Variants in BLOC1S2 observed in about 807,000 individuals in gnomAD.
BLOC1S2 encodes the protein biogenesis of lysosome-related organelles complex 1 subunit 2.
In BLOC1S2, 12 loss-of-function variants were observed where a neutral mutation model predicts 19.6. That is an observed-to-expected ratio of 0.61 (90% CI 0.39 to 0.99). The LOEUF is 0.99. Ranked by LOEUF, BLOC1S2 falls within the 50% of genes least tolerant of loss-of-function variation. The pLI, the probability that BLOC1S2 is intolerant of heterozygous loss-of-function variation, is 0.00. For missense variants in BLOC1S2, 142 were observed against 171.0 expected, an observed-to-expected ratio of 0.83 and a Z score of 0.95; for synonymous variants, 66 against 64.1, an observed-to-expected ratio of 1.03 and a Z score of -0.14.
intron 4 of BLOC1S2, among the ~76,000 whole-genome samples, chr10:100,277,791 G>A (rs1847956414): frequency 7.8e-6 from 1 of 128,126 alleles, no homozygotes; most frequent in African/African-American, 3.0e-5. Context: ...GGGAAGTGAG[G>A]AGCCCCTCTG....
In BLOC1S2 at chr10:100,277,065, TC is replaced by T. The variant is rs1301625997; in HGVS notation, c.398-1573del. ...TCCCACCTGGGAAGTGAGGAGCGCC[TC>T]CTCCCGGCCGCCATCCCATCTAGGA... On this transcript the variant is annotated intron_variant, in intron 4 of 4. Coordinates refer to ENST00000370372, the MANE Select transcript of BLOC1S2 (RefSeq NM_173809.5). Among the ~76,000 whole-genome samples the T allele has an allele frequency of 1.4e-3, 205 of 149,176 alleles. 1 individual carries two copies. The highest frequency in any genetic ancestry group is 4.7e-3 in the African/African-American group (187 of 40,144).
Position 100,275,130 on chromosome 10 carries a change from C to A in BLOC1S2, c.*332G>T. 1 of 403,300 alleles carries A rather than the reference C, an allele frequency of 2.5e-6. No homozygotes were observed. Among genetic ancestry groups the A allele is most frequent in the Non-Finnish European group, 4.4e-6 (1 of 228,588 alleles). 25.0% of individuals were successfully genotyped at this position (403,300 alleles called of 1,614,324 possible). ...CTTAAGAAAATAATGTAGTAATCAACCACTACCAGAGAAAATAGGTCCTCT... is the reference window on the plus strand; with the variant it reads ...CTTAAGAAAATAATGTAGTAATCAAACACTACCAGAGAAAATAGGTCCTCT... On this transcript the variant is annotated 3_prime_UTR_variant, in exon 5 of 5. Transcript: ENST00000370372.
At chr10:100,277,537 C>T (rs1257833830) in intron 4 of BLOC1S2, among the ~76,000 whole-genome samples, 15 of 116,514 alleles carry the variant, frequency 1.3e-4, no homozygotes, top group East Asian at 2.6e-4. Context: ...GGCCAGCTGT[C>T]CCGTCCGGGA....
intron 4 of BLOC1S2, among the ~76,000 whole-genome samples, chr10:100,276,362 G>T (rs1275238090): frequency 2.4e-5 from 1 of 40,966 alleles, no homozygotes; most frequent in Admixed American, 2.4e-4. Context: ...TCCCTCTCCC[G>T]TCTCCCTCTC....
At chr10:100,286,573 C>T in intron 1 of BLOC1S2, 32 bp downstream of exon 1, 1 of 1,612,268 alleles carries the variant, frequency 6.2e-7, no homozygotes, top group South Asian at 1.1e-5. Context: ...AGGCCCCCCA[C>T]CGGACGCTTC....
rs1554910962 is a variant in BLOC1S2 at position 100,281,693 on chromosome 10, A to AATATATAT, written c.173-648_173-641dup. Among the ~76,000 whole-genome samples, 139 of 138,884 alleles carry AATATATAT rather than the reference A, an allele frequency of 1.0e-3. 1 individual carries two copies. Among genetic ancestry groups the AATATATAT allele is most frequent in the African/African-American group, 3.7e-3 (133 of 35,612 alleles). The allele number at this position is 138,884 out of a possible 152,430, so 91.1% of individuals were successfully genotyped here. A position where few individuals can be genotyped will look rare whatever the true frequency, so the allele number is the denominator to read the frequency against. Reference sequence around the variant, plus strand: ...GTGAGACTCCATCTCAAAAAAAAAAAATATATATATATACACATACACACA... The same window carrying AATATATAT: ...GTGAGACTCCATCTCAAAAAAAAAAAATATATATATATATATATATACACATACACACA... On this transcript the variant is annotated intron_variant, in intron 2 of 4. Transcript: ENST00000370372.
At chr10:100,285,627 C>T (rs1848215547) in intron 2 of BLOC1S2, among the ~76,000 whole-genome samples, 1 of 152,208 alleles carries the variant, frequency 6.6e-6, no homozygotes. Flanking sequence ...CTAGTCATGT[C>T]CCAAAGGATG....
chr10:100,275,459 T>C lies in BLOC1S2; in HGVS notation c.*3A>G. The C allele has an allele frequency of 6.2e-7, 1 of 1,604,142 alleles. No individual in the cohort carries two copies. Among genetic ancestry groups the C allele is most frequent in the South Asian group, 1.1e-5 (1 of 89,038 alleles). On this transcript the variant is annotated 3_prime_UTR_variant, in exon 5 of 5. Coordinates refer to ENST00000370372, the MANE Select transcript of BLOC1S2 (RefSeq NM_173809.5). ...AAGACTCTGTCCCATAGAAATAAGT[T>C]TCTCATCGCTTCTCCAGCTTCTTGT... is the stretch of plus-strand genomic sequence containing the variant.
At chr10:100,276,889 A>G (rs1218497921) in intron 4 of BLOC1S2, among the ~76,000 whole-genome samples, 2 of 152,042 alleles carry the variant, frequency 1.3e-5, no homozygotes, top group Admixed American at 6.6e-5. Context: ...TGGCCCCCCC[A>G]AAGTGCGGAG....
In BLOC1S2 at chr10:100,280,179, C is replaced by T. The variant is rs981523846; in HGVS notation, c.342G>A (p.Gln114=). Residue 114 remains glutamine (Q), a synonymous_variant, in exon 4 of 5, where the codon CAG becomes CAA. Coordinates refer to ENST00000370372, the MANE Select transcript of BLOC1S2 (RefSeq NM_173809.5). ...YLDQINVIEE[Q]VAALEQAAYK... The stretch of plus-strand genomic sequence containing the variant: ...AAGCTGCCTGCTCAAGAGCTGCTAC[C>T]TGCTCTTCAATGACATTGATCTGAT... 1 of 1,613,046 alleles carries T rather than the reference C, an allele frequency of 6.2e-7. No individual in the cohort carries two copies. The highest frequency in any genetic ancestry group is 1.3e-5 in the African/African-American group (1 of 74,886).
Position 100,281,071 on chromosome 10 carries a change from A to T in BLOC1S2, c.173-18T>A. 6.2e-7 allele frequency: 1 copy of T among 1,611,000 alleles called. No homozygotes were observed. Among genetic ancestry groups the T allele is most frequent in the South Asian group, 1.1e-5 (1 of 90,730 alleles). Reference sequence around the variant, plus strand: ...ACTGGTGGCTTGAAAATTAAACAGAAGATGTAATGTCTTTAAGATTTGTCT... The same window carrying T: ...ACTGGTGGCTTGAAAATTAAACAGATGATGTAATGTCTTTAAGATTTGTCT... On this transcript the variant is annotated intron_variant, in intron 2 of 4. Transcript: ENST00000370372.
At chr10:100,275,551 T>C in intron 4 of BLOC1S2, 58 bp from the exon 5 acceptor site, 1 of 1,482,976 alleles carries the variant, frequency 6.7e-7, no homozygotes, top group Non-Finnish European at 9.2e-7. Context: ...AAGACAGTTT[T>C]TAGTTAGCAT....
At chr10:100,275,790 C>T (rs555358728) in intron 4 of BLOC1S2, among the ~76,000 whole-genome samples, 1 of 152,180 alleles carries the variant, frequency 6.6e-6, no homozygotes, top group South Asian at 2.1e-4. Context: ...CTTGACCTAT[C>T]GGGAGCCTTA....
intron 2 of BLOC1S2, among the ~76,000 whole-genome samples, chr10:100,281,711 T>TACACACAAAC (rs1554911026): frequency 7.5e-6 from 1 of 132,540 alleles, no homozygotes; most frequent in Non-Finnish European, 1.6e-5. Flanking sequence ...TATATACACA[T>TACACACAAAC]ACACACACAC....
rs771047631 is a variant in BLOC1S2, at chr10:100,286,147, C to T, written c.122G>A (p.Cys41Tyr). The T allele has an allele frequency of 3.7e-6, 6 of 1,614,130 alleles. No individual in the cohort carries two copies. Among genetic ancestry groups the T allele is most frequent in the Non-Finnish European group, 4.2e-6 (5 of 1,180,000 alleles). The change falls in exon 2 of 5, where the codon TGC becomes TAC. Residue 41 changes from cysteine to tyrosine, a missense_variant. Cys to Tyr is a radical substitution (Grantham distance 194). This residue lies in a region of BLOC1S2 where 94 missense variants were observed against 141.3 expected (regional missense o/e 0.67). Transcript: ENST00000370372. Reference protein sequence around the residue: ...EPAEADITELCRDMFSKMATY... With the variant: ...EPAEADITELYRDMFSKMATY... Reference sequence around the variant, plus strand: ...GGCCATTTTGGAGAACATGTCCCGGCAGAGCTCAGTGATGTCAGCTTCAGC... The same window carrying T: ...GGCCATTTTGGAGAACATGTCCCGGTAGAGCTCAGTGATGTCAGCTTCAGC...
intron 2 of BLOC1S2, 135 bp downstream of exon 2, chr10:100,285,962 A>T: frequency 1.6e-6 from 2 of 1,230,214 alleles, no homozygotes; most frequent in South Asian, 3.0e-5. Flanking sequence ...TCTCCCATTC[A>T]TGGCCTCCCC....
intron 4 of BLOC1S2, 39 bp downstream of exon 4, chr10:100,280,085 C>T (rs200943183): frequency 2.0e-6 from 3 of 1,485,638 alleles, no homozygotes; most frequent in East Asian, 2.3e-5. Context: ...TGGCAAGAAG[C>T]AGTCTTTATT....
chr10:100,281,013 TTTA>T lies in BLOC1S2; in HGVS notation c.210_212del (p.Asn70del). 1 of 1,613,786 alleles carries T rather than the reference TTTA, an allele frequency of 6.2e-7. No individual in the cohort carries two copies. Among genetic ancestry groups the T allele is most frequent in the Non-Finnish European group, 8.5e-7 (1 of 1,179,896 alleles). On this transcript the variant is annotated inframe_deletion, in exon 3 of 5. Transcript: ENST00000370372. ...TTTCAAGATACTTCAAGCTGGTGAG[TTTA>T]TTCATATTTTCCAGGAGCTTATAGT...
intron 4 of BLOC1S2, among the ~76,000 whole-genome samples, chr10:100,279,242 C>T (rs1848035265): frequency 6.6e-6 from 1 of 152,182 alleles, no homozygotes; most frequent in African/African-American, 2.4e-5. Flanking sequence ...AGAAAATCCT[C>T]AACTGACTAT....
Sources: gnomAD v4.1 joint callset for allele counts (sites outside exome capture counted in the v4.1 genomes callset) on GRCh38, gnomAD v4.1.1 for gene constraint, gnomAD v4.1.1 regional missense constraint, MANE v1.5 for transcripts, NCBI Gene and HGNC (gene_info 2026-07-23, HGNC 2026-07-21) for gene names.